Variants in POF1B observed in about 807,000 individuals in gnomAD.
The protein encoded by POF1B is POF1B actin binding protein, also known as protein POF1B.
A neutral mutation model predicts 55.3 loss-of-function variants in POF1B; 53 were observed. That is an observed-to-expected ratio of 0.96 (90% CI 0.77 to 1.20). The LOEUF is 1.20. Ranked by LOEUF, POF1B falls within the 50% of genes most tolerant of loss-of-function variation. The pLI is 0.00. For synonymous variants in POF1B, 188 were observed against 148.3 expected, an observed-to-expected ratio of 1.27 and a Z score of -1.95; for missense variants, 478 against 420.5, an observed-to-expected ratio of 1.14 and a Z score of -1.20.
chrX:85,305,647 AT>A, intron 13 of POF1B, 143 bp downstream of exon 13: 2 of 563,281 alleles, frequency 3.6e-6, no homozygotes, highest in Non-Finnish European at 5.3e-6. Context: ...ACAGTAATGT[AT>A]TTAAAACAAA....
chrX:85,308,282 G>T, intron 9 of POF1B, 66 bp from the exon 10 acceptor site: 3 of 702,596 alleles, frequency 4.3e-6, no homozygotes, highest in East Asian at 8.0e-5. Context: ...ATAAGTGAAA[G>T]TTTTTTTTTT....
chrX:85,283,461 C>T (rs1007614755), intron 15 of POF1B, among the ~76,000 whole-genome samples: 31 of 110,094 alleles, frequency 2.8e-4, no homozygotes, highest in African/African-American at 1.0e-3. Context: ...GCAGATTAGG[C>T]ACTGCATTAC....
rs771823548 is a variant in POF1B, at chrX:85,360,568, C to CACACACT, written c.358-939_358-938insAGTGTGT. On this transcript the variant is annotated intron_variant, in intron 3 of 16. Transcript: ENST00000262753. ...ATATATATATATATATACATATATA[C>CACACACT]ACATTTTCTTTATCCAATCTGTCAT... is the stretch of plus-strand genomic sequence containing the variant. Among the ~76,000 whole-genome samples the CACACACT allele has an allele frequency of 7.4e-4, 60 of 81,545 alleles. 1 individual carries two copies. The highest frequency in any genetic ancestry group is 3.7e-3 in the African/African-American group (58 of 15,640). 70.8% of individuals were successfully genotyped at this position (81,545 alleles called of 115,157 possible). A position where few individuals can be genotyped will look rare whatever the true frequency, so the allele number is the denominator to read the frequency against.
chrX:85,320,126 A>T (rs1932822282), intron 7 of POF1B, among the ~76,000 whole-genome samples: 1 of 111,165 alleles, frequency 9.0e-6, no homozygotes, highest in Non-Finnish European at 1.9e-5. Context: ...TCAGAAATGT[A>T]TTTCTTTTAG....
intron 2 of POF1B, among the ~76,000 whole-genome samples, chrX:85,376,001 C>T (rs1569301336): frequency 9.0e-6 from 1 of 111,523 alleles, no homozygotes; most frequent in Admixed American, 9.6e-5. Context: ...ACATGGGACA[C>T]CTACAGACCA....
At chrX:85,290,801 TG>T (rs944683270) in intron 15 of POF1B, among the ~76,000 whole-genome samples, 6 of 111,982 alleles carry the variant, frequency 5.4e-5, no homozygotes, top group Non-Finnish European at 1.1e-4. Flanking sequence ...AATGATTTTT[TG>T]CTTGTTGATT....
intron 6 of POF1B, among the ~76,000 whole-genome samples, chrX:85,336,939 T>G (rs1263860833): frequency 8.9e-6 from 1 of 111,819 alleles, no homozygotes; most frequent in African/African-American, 3.2e-5. Flanking sequence ...GGCATTAGAT[T>G]TATGTCTTTA....
chrX:85,322,392 T>C (rs1162653784), intron 7 of POF1B, among the ~76,000 whole-genome samples: 1 of 111,508 alleles, frequency 9.0e-6, no homozygotes, highest in Non-Finnish European at 1.9e-5. Flanking sequence ...GCTAGTCATA[T>C]GTAGAAAGCT....
intron 9 of POF1B, among the ~76,000 whole-genome samples, chrX:85,310,750 A>T (rs758303888): frequency 1.2e-3 from 129 of 111,788 alleles, no homozygotes; most frequent in African/African-American, 4.0e-3. Context: ...AGCTGAGCAT[A>T]TCCCAAACAA....
intron 2 of POF1B, among the ~76,000 whole-genome samples, chrX:85,377,497 C>T (rs1603087258): frequency 9.0e-6 from 1 of 111,639 alleles, no homozygotes; most frequent in East Asian, 2.8e-4. Context: ...GCTTAACTTT[C>T]ACTTTTCTCA....
At chrX:85,311,231 C>A (rs774709699) in intron 9 of POF1B, among the ~76,000 whole-genome samples, 231 of 111,169 alleles carry the variant, frequency 2.1e-3, no homozygotes, top group African/African-American at 7.4e-3. Context: ...ACTTTAAGTT[C>A]TGGGATACAT....
At chrX:85,373,077 T>C (rs1933861218) in intron 2 of POF1B, among the ~76,000 whole-genome samples, 1 of 111,224 alleles carries the variant, frequency 9.0e-6, no homozygotes, top group African/African-American at 3.3e-5. Flanking sequence ...TGTCCTCTAA[T>C]GTATTTTTGA....
intron 3 of POF1B, among the ~76,000 whole-genome samples, chrX:85,361,913 G>A (rs1933628286): frequency 9.2e-6 from 1 of 109,276 alleles, no homozygotes; most frequent in Non-Finnish European, 1.9e-5. Flanking sequence ...TCTCATTGTA[G>A]AGATCTTTCA....
intron 7 of POF1B, among the ~76,000 whole-genome samples, chrX:85,323,097 G>A (rs1434574640): frequency 1.8e-5 from 2 of 111,147 alleles, no homozygotes; most frequent in African/African-American, 3.3e-5. Flanking sequence ...ATTACTGGGT[G>A]TATACCCAAA....
intron 6 of POF1B, among the ~76,000 whole-genome samples, chrX:85,341,216 A>T (rs1051810495): frequency 1.8e-5 from 2 of 111,078 alleles, no homozygotes; most frequent in African/African-American, 6.5e-5. Flanking sequence ...CATGCATGCC[A>T]TTTAGCTTTA....
intron 7 of POF1B, among the ~76,000 whole-genome samples, chrX:85,317,983 A>G (rs1210724007): frequency 9.0e-6 from 1 of 111,670 alleles, no homozygotes; most frequent in East Asian, 2.8e-4. Context: ...AAAACCAAAT[A>G]CTGCATGTTC....
Position 85,306,199 on chromosome X carries a change from A to T in POF1B, c.1299T>A (p.Asn433Lys), listed in dbSNP as rs1184192177. The change falls in exon 12 of 17, where the codon AAT becomes AAA. Residue 433 changes from asparagine (N) to lysine (K), a missense_variant. By Grantham distance (94) the Asn-to-Lys change is moderately conservative. Coordinates refer to ENST00000262753, the MANE Select transcript of POF1B (RefSeq NM_024921.4). ...EYCKRNLEQE[N>K]QNLRMQVSET... ...TTAATACCTGCATTCTAAGGTTTTG[A>T]TTCTCTTGCTCTAAATTACGTTTAC... 18 of 1,199,944 alleles carry T rather than the reference A, an allele frequency of 1.5e-5. No homozygotes were observed. The highest frequency in any genetic ancestry group is 3.5e-5 in the African/African-American group (2 of 56,915).
At chrX:85,376,403 A>G (rs1014512328) in intron 2 of POF1B, among the ~76,000 whole-genome samples, 1 of 111,695 alleles carries the variant, frequency 9.0e-6, no homozygotes, top group African/African-American at 3.2e-5. Flanking sequence ...CTAGAACTCT[A>G]TTTATTTGCA....
intron 3 of POF1B, among the ~76,000 whole-genome samples, chrX:85,362,938 G>A (rs1390248501): frequency 9.0e-6 from 1 of 110,873 alleles, no homozygotes; most frequent in Admixed American, 9.6e-5. Context: ...TTATTGGTCT[G>A]CTCAGAGATT....
Sources: gnomAD v4.1 joint callset for allele counts (sites outside exome capture counted in the v4.1 genomes callset) on GRCh38, gnomAD v4.1.1 for gene constraint, MANE v1.5 for transcripts, NCBI Gene and HGNC (gene_info 2026-07-23, HGNC 2026-07-21) for gene names.